Variants in SMCO4 observed in about 807,000 individuals in gnomAD.
The protein encoded by SMCO4 is single-pass membrane protein with coiled-coil domains 4, also known as single-pass membrane and coiled-coil domain-containing protein 4.
In SMCO4, 4 loss-of-function variants were observed where a neutral mutation model predicts 3.6. That is an observed-to-expected ratio of 1.11 (90% CI 0.54 to 2.53). The LOEUF is 2.53. SMCO4 is among the 30% of genes most tolerant of loss of function. SMCO4 has a pLI of 0.02. For synonymous variants in SMCO4, 36 were observed against 35.3 expected, an observed-to-expected ratio of 1.02 and a Z score of -0.07; for missense variants, 70 against 80.8, an observed-to-expected ratio of 0.87 and a Z score of 0.51.
At chr11:93,497,272 T>C (rs1308433482) in intron 2 of SMCO4, among the ~76,000 whole-genome samples, 4 of 152,214 alleles carry the variant, frequency 2.6e-5, no homozygotes, top group Non-Finnish European at 5.9e-5. Context: ...CCTTGACTGA[T>C]AGAAACCATT....
rs577709738 is a variant in SMCO4 at position 93,480,075 on chromosome 11, G to C, written c.-80-806C>G. The stretch of plus-strand genomic sequence containing the variant: ...CCAGAAGAATGAATACAAATGTTTG[G>C]ATAACTACAGAGGAACATCTCTATA... On this transcript the variant is annotated intron_variant, in intron 2 of 2. Transcript: ENST00000298966. Among the ~76,000 whole-genome samples, 9 of 152,310 alleles carry C rather than the reference G, an allele frequency of 5.9e-5. No homozygotes were observed. The South Asian group carries it at 1.9e-3, about 32-fold the overall frequency.
chr11:93,531,695 G>GT (rs925241834), intron 1 of SMCO4, among the ~76,000 whole-genome samples: 7 of 152,070 alleles, frequency 4.6e-5, no homozygotes, highest in African/African-American at 9.7e-5. Context: ...ATTTTATGGG[G>GT]TTTTTTGCCA....
intron 1 of SMCO4, among the ~76,000 whole-genome samples, chr11:93,528,353 T>G (rs1427971713): frequency 6.6e-6 from 1 of 152,070 alleles, no homozygotes; most frequent in Admixed American, 6.5e-5. Flanking sequence ...GTGTGAAACT[T>G]GAGAAAAGAA....
intron 2 of SMCO4, among the ~76,000 whole-genome samples, chr11:93,492,513 T>C (rs1449236426): frequency 1.3e-5 from 2 of 152,202 alleles, no homozygotes; most frequent in East Asian, 3.9e-4. Context: ...CAAAGTGCTA[T>C]GAAGAAAGAC....
At chr11:93,550,797 G>A in the SMCO4 span, among the ~76,000 whole-genome samples, 1 of 152,172 alleles carries the variant, frequency 6.6e-6, no homozygotes, top group Non-Finnish European at 1.5e-5. Flanking sequence ...TCCATAGGCT[G>A]TAAATAGCCC....
intron 1 of SMCO4, among the ~76,000 whole-genome samples, chr11:93,513,718 G>C (rs1033850332): frequency 6.6e-6 from 1 of 152,158 alleles, no homozygotes; most frequent in Admixed American, 6.5e-5. Context: ...GGTGACAAAA[G>C]GAATCTTCAC....
the SMCO4 span, among the ~76,000 whole-genome samples, chr11:93,551,356 G>A: frequency 2.6e-5 from 4 of 152,096 alleles, no homozygotes; most frequent in African/African-American, 9.7e-5. Flanking sequence ...TCCTGGGGAC[G>A]TGGTCCTCCT....
intron 1 of SMCO4, among the ~76,000 whole-genome samples, chr11:93,516,311 G>A (rs2134616566): frequency 6.6e-6 from 1 of 152,214 alleles, no homozygotes; most frequent in East Asian, 1.9e-4. Flanking sequence ...AAAGTAAATA[G>A]AAATCCTGTA....
At chr11:93,492,852 G>A (rs1948734466) in intron 2 of SMCO4, among the ~76,000 whole-genome samples, 1 of 152,198 alleles carries the variant, frequency 6.6e-6, no homozygotes, top group Admixed American at 6.5e-5. Flanking sequence ...TGCTTACCAT[G>A]TGTGCTTCAC....
rs191501555 is a variant in SMCO4, at chr11:93,516,925, G to A, written c.-153-17577C>T. 2.1e-4 allele frequency among the ~76,000 whole-genome samples: 32 copies of A among 152,276 alleles called. No homozygotes were observed. The East Asian group carries it at 4.6e-3, about 22-fold the overall frequency. On this transcript the variant is annotated intron_variant, in intron 1 of 2. Coordinates refer to ENST00000298966, the MANE Select transcript of SMCO4 (RefSeq NM_020179.3). ...AAAACTTCTTTACCAGTGAAAGTCA[G>A]ACTAGCCTTCCCTGCCTCATAGCCC...
upstream of SMCO4, among the ~76,000 whole-genome samples, chr11:93,547,415 C>T (rs1482372675): frequency 6.6e-6 from 1 of 152,182 alleles, no homozygotes. Context: ...TCTCTCGGGC[C>T]TTGCCTTAAA....
At chr11:93,522,874 T>C (rs1352694084) in intron 1 of SMCO4, among the ~76,000 whole-genome samples, 1 of 152,228 alleles carries the variant, frequency 6.6e-6, no homozygotes, top group Admixed American at 6.5e-5. Context: ...ACAAGAATCC[T>C]TGTCTGTAGC....
intron 1 of SMCO4, among the ~76,000 whole-genome samples, chr11:93,503,539 A>G (rs541233198): frequency 7.0e-4 from 107 of 152,352 alleles, no homozygotes; most frequent in African/African-American, 2.5e-3. Context: ...CTTTGTAGAC[A>G]TGATTAAGTC....
rs538024444 is a variant in SMCO4, at chr11:93,521,158, T to G, written c.-153-21810A>C. On this transcript the variant is annotated intron_variant, in intron 1 of 2. Transcript: ENST00000298966. Reference sequence around the variant, plus strand: ...GGCAAAACCAGGACATCTCTTTGTATGCACACACCTGCTCTGTTGCAACAT... The same window carrying G: ...GGCAAAACCAGGACATCTCTTTGTAGGCACACACCTGCTCTGTTGCAACAT... Among the ~76,000 whole-genome samples the G allele has an allele frequency of 2.0e-5, 3 of 152,358 alleles. No individual in the cohort carries two copies. The South Asian group carries it at 6.2e-4, about 32-fold the overall frequency.
rs538203705 is a variant in SMCO4, at chr11:93,507,686, T to C, written c.-153-8338A>G. ...GTTCATTGATTGGTTTCAGAGTCTA[T>C]GTTGCAACAAACCTTTACACCTGGG... On this transcript the variant is annotated intron_variant, in intron 1 of 2. Coordinates refer to ENST00000298966, the MANE Select transcript of SMCO4 (RefSeq NM_020179.3). Among the ~76,000 whole-genome samples, 435 of 152,362 alleles carry C rather than the reference T, an allele frequency of 2.9e-3. 1 individual carries two copies. Among genetic ancestry groups the C allele is most frequent in the African/African-American group, 0.01 (419 of 41,594 alleles).
intron 1 of SMCO4, among the ~76,000 whole-genome samples, chr11:93,504,383 A>G (rs1948879187): frequency 6.6e-6 from 1 of 152,226 alleles, no homozygotes; most frequent in African/African-American, 2.4e-5. Context: ...GCTTCTTTGA[A>G]GAGGATAACC....
chr11:93,549,824 C>T, the SMCO4 span, among the ~76,000 whole-genome samples: 423 of 152,084 alleles, frequency 2.8e-3, 2 homozygotes, highest in Middle Eastern at 0.01. Flanking sequence ...TTTAAGAAGC[C>T]GTAGAGCTTG....
chr11:93,515,917 T>A (rs1250750723), intron 1 of SMCO4, among the ~76,000 whole-genome samples: 1 of 152,184 alleles, frequency 6.6e-6, no homozygotes, highest in Non-Finnish European at 1.5e-5. Flanking sequence ...CTCTCCAGTC[T>A]GACCCCCTTT....
chr11:93,553,318 G>A, the SMCO4 span, among the ~76,000 whole-genome samples: 1 of 152,154 alleles, frequency 6.6e-6, no homozygotes, highest in Admixed American at 6.6e-5. Flanking sequence ...AGGCAGCTTT[G>A]ATCAGATTCT....
Sources: allele counts gnomAD v4.1 joint callset (sites outside exome capture counted in the v4.1 genomes callset), GRCh38; gene constraint gnomAD v4.1.1; transcripts MANE v1.5; gene names NCBI Gene and HGNC (gene_info 2026-07-23, HGNC 2026-07-21).